The following CLASP2 variants were observed in gnomAD, a reference collection of about 807,000 sequenced individuals.
CLASP2 encodes cytoplasmic linker associated protein 2.
In CLASP2, 47 loss-of-function variants were observed where a neutral mutation model predicts 194.4. That is an observed-to-expected ratio of 0.24 (90% CI 0.19 to 0.31). The LOEUF is 0.31. CLASP2 is among the 10% of genes least tolerant of loss of function. The pLI, the probability that CLASP2 is intolerant of heterozygous loss-of-function variation, is 1.00. For missense variants in CLASP2, 1,445 were observed against 1,823.6 expected (o/e 0.79, Z 3.78); for synonymous variants, 619 against 633.5 (o/e 0.98, Z 0.34).
At chr3:33,570,835 G>T in intron 25 of CLASP2, 45 bp from the exon 26 acceptor site, 3 of 1,369,834 alleles carry the variant, frequency 2.2e-6, no homozygotes, top group Non-Finnish European at 3.0e-6. Context: ...GCTGTAGCAA[G>T]AAGTCATGTA....
chr3:33,538,650 G>A, intron 33 of CLASP2, 139 bp downstream of exon 33: 2 of 603,208 alleles, frequency 3.3e-6, no homozygotes, highest in Non-Finnish European at 5.4e-6. Context: ...CTGGTATGTG[G>A]TAGATACTCA....
chr3:33,622,139 C>A lies in CLASP2; in HGVS notation c.1177G>T (p.Val393Leu). The A allele has an allele frequency of 6.3e-7, 1 of 1,581,222 alleles. No individual in the cohort carries two copies. The highest frequency in any genetic ancestry group is 8.6e-7 in the Non-Finnish European group (1 of 1,167,302). Residue 393 changes from valine (V) to leucine (L), a missense_variant, in exon 11 of 39, where the codon GTA becomes TTA. Val to Leu is a conservative substitution (Grantham distance 32, BLOSUM62 1). Around this residue, in one of 4 missense-constraint regions of CLASP2, gnomAD observed 207 missense variants for 331.4 expected, o/e 0.62. Coordinates refer to ENST00000682230, the MANE Select transcript of CLASP2 (RefSeq NM_001365631.1). ...SQVVREACIT[V>L]AHLSTVLGNK... ...TCATAAAAGGAATATACTTACGCTA[C>A]AGTAATACAAGCTTCTCTAACCACC...
At chr3:33,676,232 G>C (rs2088594992) in intron 6 of CLASP2, among the ~76,000 whole-genome samples, 1 of 145,742 alleles carries the variant, frequency 6.9e-6, no homozygotes, top group East Asian at 2.0e-4. Context: ...TACCAAAACA[G>C]AGATATAGAT....
chr3:33,585,391 C>T (rs2067126335), intron 21 of CLASP2, among the ~76,000 whole-genome samples: 1 of 152,118 alleles, frequency 6.6e-6, no homozygotes, highest in Non-Finnish European at 1.5e-5. Context: ...TGTACTTACA[C>T]AAACCTAGAT....
chr3:33,644,991 T>A lies in CLASP2; in HGVS notation c.716-88A>T. 2.2e-6 allele frequency: 3 copies of A among 1,341,506 alleles called. No individual in the cohort carries two copies. In the South Asian group the frequency reaches 3.9e-5, roughly 17 times the overall value. 83.1% of individuals were successfully genotyped at this position (1,341,506 alleles called of 1,614,324 possible). A position where few individuals can be genotyped will look rare whatever the true frequency, so the allele number is the denominator to read the frequency against. ...CTCAAAAATAAAATAAAGCCATATATAAAATCATTACTTTGGTAAGATATA... is the reference window on the plus strand; with the variant it reads ...CTCAAAAATAAAATAAAGCCATATAAAAAATCATTACTTTGGTAAGATATA... On this transcript the variant is annotated intron_variant, in intron 7 of 38. Coordinates refer to ENST00000682230, the MANE Select transcript of CLASP2 (RefSeq NM_001365631.1).
chr3:33,555,760 T>C (rs1261709187), intron 29 of CLASP2, among the ~76,000 whole-genome samples: 1 of 152,218 alleles, frequency 6.6e-6, no homozygotes, highest in Non-Finnish European at 1.5e-5. Context: ...CATCAATGTA[T>C]TTTGTTTATA....
chr3:33,585,797 C>A (rs1576798994), intron 21 of CLASP2, among the ~76,000 whole-genome samples: 2 of 151,756 alleles, frequency 1.3e-5, no homozygotes, highest in African/African-American at 4.9e-5. Context: ...TTATGCAGAG[C>A]ATGACTGTAT....
At chr3:33,544,022 A>G (rs1456767566) in intron 31 of CLASP2, among the ~76,000 whole-genome samples, 6 of 152,188 alleles carry the variant, frequency 3.9e-5, no homozygotes, top group Non-Finnish European at 7.4e-5. Context: ...AATTACTTTT[A>G]ACCCTCCTCA....
At position 33,500,102 on chromosome 3, in the gene CLASP2, G is replaced by A. The variant is rs148273707; in HGVS notation, c.4435-1385C>T. Among the ~76,000 whole-genome samples the A allele has an allele frequency of 8.8e-4, 133 of 151,924 alleles. 1 individual carries two copies. The East Asian group carries it at 0.025, about 28-fold the overall frequency. The stretch of plus-strand genomic sequence containing the variant: ...GGCTGGAATGCAGTGGTGTGATCAC[G>A]GCTCACTGCAGCCTGAATCTCCTGG... On this transcript the variant is annotated intron_variant, in intron 38 of 38. Transcript: ENST00000682230.
chr3:33,669,727 C>G (rs1337231880), intron 6 of CLASP2, among the ~76,000 whole-genome samples: 1 of 152,028 alleles, frequency 6.6e-6, no homozygotes, highest in African/African-American at 2.4e-5. Flanking sequence ...ACACTACACC[C>G]ACTAAAAACC....
At chr3:33,599,220 G>C (rs534412456) in intron 18 of CLASP2, among the ~76,000 whole-genome samples, 13 of 152,192 alleles carry the variant, frequency 8.5e-5, no homozygotes, top group Non-Finnish European at 1.8e-4. Context: ...TACTTCCTGG[G>C]CTCCAGCAAT....
At chr3:33,601,975 C>T (rs1184359914) in intron 18 of CLASP2, among the ~76,000 whole-genome samples, 1 of 151,846 alleles carries the variant, frequency 6.6e-6, no homozygotes, top group Non-Finnish European at 1.5e-5. Context: ...ACTGAGCATC[C>T]CTAGGCATTG....
In CLASP2 at chr3:33,718,120, C is replaced by T; in HGVS notation, c.-118G>A. 2 of 1,083,036 alleles carry T rather than the reference C, an allele frequency of 1.8e-6. No individual in the cohort carries two copies. Among genetic ancestry groups the T allele is most frequent in the Non-Finnish European group, 2.4e-6 (2 of 820,744 alleles). The allele number at this position is 1,083,036 out of a possible 1,614,324, so 67.1% of individuals were successfully genotyped here. ...CGGGACTCACTTAGCCCGCCAGGGG[C>T]GCGGCTTGCGGGGCGCAGCGGGCGG... On this transcript the variant is annotated 5_prime_UTR_variant, in exon 1 of 39. Coordinates refer to ENST00000682230, the MANE Select transcript of CLASP2 (RefSeq NM_001365631.1).
At chr3:33,604,117 A>G in intron 17 of CLASP2, 37 bp downstream of exon 17, 1 of 1,456,686 alleles carries the variant, frequency 6.9e-7, no homozygotes, top group East Asian at 2.5e-5. Context: ...TTTCAAAGAT[A>G]AAATAGGTTA....
intron 6 of CLASP2, among the ~76,000 whole-genome samples, chr3:33,674,326 C>A (rs1299345118): frequency 6.6e-6 from 1 of 152,068 alleles, no homozygotes; most frequent in Non-Finnish European, 1.5e-5. Context: ...AACTGAACAA[C>A]CTGCTCCTGA....
At chr3:33,693,618 A>T (rs1360458296) in intron 2 of CLASP2, among the ~76,000 whole-genome samples, 1 of 152,146 alleles carries the variant, frequency 6.6e-6, no homozygotes, top group Non-Finnish European at 1.5e-5. Flanking sequence ...CATGTATGTA[A>T]AGTAGTAAAA....
chr3:33,573,389 A>G (rs558920727), intron 24 of CLASP2, 35 bp from the exon 25 acceptor site: 14 of 1,602,534 alleles, frequency 8.7e-6, no homozygotes, highest in Non-Finnish European at 1.2e-5. Context: ...AGCAGTAGCC[A>G]AAAGAATATA....
rs2057113068 is a variant in CLASP2, at chr3:33,535,248, C to T, written c.3772G>A (p.Asp1258Asn). Residue 1258 changes from aspartate to asparagine, a missense_variant, in exon 34 of 39, where the codon GAC becomes AAC. This residue lies in a region of CLASP2 where 732 missense variants were observed against 987.9 expected (regional missense o/e 0.74). Transcript: ENST00000682230. ...LKEAMFDDDA[D>N]QFPDDLSLDH... ...CAGAACATACCGTCAGGAAACTGGT[C>T]AGCATCATCATCAAACATGGCTTCC... is the stretch of plus-strand genomic sequence containing the variant. The T allele has an allele frequency of 1.2e-6, 2 of 1,613,112 alleles. No individual in the cohort carries two copies. The highest frequency in any genetic ancestry group is 1.7e-6 in the Non-Finnish European group (2 of 1,179,290).
intron 8 of CLASP2, among the ~76,000 whole-genome samples, chr3:33,643,324 G>A (rs1239979250): frequency 2.0e-5 from 3 of 151,804 alleles, no homozygotes; most frequent in Non-Finnish European, 4.4e-5. Flanking sequence ...TTAGAATTCT[G>A]TAATTCAAAA....
Sources: gnomAD v4.1 joint callset for allele counts (sites outside exome capture counted in the v4.1 genomes callset) on GRCh38, gnomAD v4.1.1 for gene constraint, gnomAD v4.1.1 regional missense constraint, MANE v1.5 for transcripts, NCBI Gene and HGNC (gene_info 2026-07-23, HGNC 2026-07-21) for gene names.